Variants in ARID1B observed in about 807,000 individuals in gnomAD.
ARID1B encodes AT-rich interactive domain-containing protein 1B.
A neutral mutation model predicts 212.3 loss-of-function variants in ARID1B; 30 were observed. The ratio of observed to expected loss-of-function variants is 0.14; its 90% confidence interval spans 0.11 to 0.19. ARID1B has a LOEUF of 0.19. Ranked by LOEUF, ARID1B falls within the 10% of genes least tolerant of loss-of-function variation. ARID1B has a pLI of 1.00. For missense variants in ARID1B, 2,891 were observed against 3,204.0 expected (o/e 0.90, Z 2.36); for synonymous variants, 1,402 against 1,301.7 (o/e 1.08, Z -1.66).
chr6:157,149,041 G>A (rs1410295772), intron 8 of ARID1B, 90 bp downstream of exon 8: 1 of 1,328,430 alleles, frequency 7.5e-7, no homozygotes. Context: ...TGTTCCCTGG[G>A]GTCACACAGA....
At position 156,778,830 on chromosome 6, in the gene ARID1B, T is replaced by C. The variant is rs1333182793; in HGVS notation, c.1150T>C (p.Tyr384His). 1 of 1,420,420 alleles carries C rather than the reference T, an allele frequency of 7.0e-7. No homozygotes were observed. Among genetic ancestry groups the C allele is most frequent in the Non-Finnish European group, 9.2e-7 (1 of 1,082,252 alleles). The allele number at this position is 1,420,420 out of a possible 1,614,324, so 88.0% of individuals were successfully genotyped here. A position where few individuals can be genotyped will look rare whatever the true frequency, so the allele number is the denominator to read the frequency against. ...PNSQCNHYPG[Y>H]SRPGAGGGGG... ...CAGCCAGTGCAACCATTATCCGGGCTACAGCCGGCCCGGCGCGGGCGGCGG... is the reference window on the plus strand; with the variant it reads ...CAGCCAGTGCAACCATTATCCGGGCCACAGCCGGCCCGGCGCGGGCGGCGG... Residue 384 changes from tyrosine to histidine, a missense_variant, in exon 1 of 20, where the codon TAC becomes CAC. Around this residue, in one of 7 missense-constraint regions of ARID1B, gnomAD observed 1,643 missense variants for 1,544.0 expected, o/e 1.06. Transcript: ENST00000636930.
intron 1 of ARID1B, among the ~76,000 whole-genome samples, chr6:156,824,670 C>T (rs971718465): frequency 6.6e-6 from 1 of 152,046 alleles, no homozygotes; most frequent in African/African-American, 2.4e-5. Context: ...GAGGCTGAGA[C>T]ATGAGAATCA....
At chr6:156,851,517 A>C (rs1396147326) in intron 2 of ARID1B, among the ~76,000 whole-genome samples, 1 of 152,184 alleles carries the variant, frequency 6.6e-6, no homozygotes, top group African/African-American at 2.4e-5. Flanking sequence ...TGTCTTCTTG[A>C]AGCTGGAACT....
intron 2 of ARID1B, among the ~76,000 whole-genome samples, chr6:156,838,901 C>G (rs984458623): frequency 6.6e-6 from 1 of 152,016 alleles, no homozygotes; most frequent in South Asian, 2.1e-4. Flanking sequence ...AAGGAGGCTT[C>G]CCTTTTTTTC....
chr6:157,167,293 G>A (rs1208344383), intron 9 of ARID1B, 108 bp downstream of exon 9: 27 of 1,367,918 alleles, frequency 2.0e-5, no homozygotes, highest in East Asian at 2.0e-4. Flanking sequence ...ATCAGTTGGC[G>A]AAAGTGGGAA....
At chr6:156,898,000 G>A (rs1266465643) in intron 2 of ARID1B, among the ~76,000 whole-genome samples, 1 of 152,090 alleles carries the variant, frequency 6.6e-6, no homozygotes, top group Non-Finnish European at 1.5e-5. Context: ...TAGTAAACAC[G>A]TGAACACGTA....
intron 5 of ARID1B, among the ~76,000 whole-genome samples, chr6:157,106,723 T>C (rs751153698): frequency 6.6e-6 from 1 of 152,160 alleles, no homozygotes; most frequent in African/African-American, 2.4e-5. Context: ...TTCTGCTCAG[T>C]GGAGAGGAGG....
At chr6:157,118,520 C>T (rs1462348635) in intron 6 of ARID1B, among the ~76,000 whole-genome samples, 2 of 152,342 alleles carry the variant, frequency 1.3e-5, no homozygotes, top group Non-Finnish European at 2.9e-5. Context: ...AATTGAAGAT[C>T]CCTTCTTTGT....
chr6:157,114,416 C>G (rs1787170784), intron 6 of ARID1B, among the ~76,000 whole-genome samples: 1 of 148,040 alleles, frequency 6.8e-6, no homozygotes, highest in Admixed American at 6.9e-5. Context: ...CCCAGCTACT[C>G]AGGAGGCTGA....
At chr6:156,791,896 C>G (rs1393827549) in intron 1 of ARID1B, among the ~76,000 whole-genome samples, 4 of 152,156 alleles carry the variant, frequency 2.6e-5, no homozygotes, top group Non-Finnish European at 4.4e-5. Context: ...TCTCCTCTTT[C>G]TCTTCCTTTC....
At chr6:156,839,508 T>G (rs545482563) in intron 2 of ARID1B, among the ~76,000 whole-genome samples, 1 of 152,268 alleles carries the variant, frequency 6.6e-6, no homozygotes, top group South Asian at 2.1e-4. Context: ...ACTGAGCAGT[T>G]GGGGAGAGGA....
chr6:156,838,735 A>T (rs1385572882), intron 2 of ARID1B, among the ~76,000 whole-genome samples: 1 of 79,468 alleles, frequency 1.3e-5, no homozygotes, highest in Non-Finnish European at 2.8e-5. Context: ...ATAATAATAA[A>T]CAAAAAAAAC....
chr6:156,961,484 C>T (rs1364065033), intron 4 of ARID1B, among the ~76,000 whole-genome samples: 2 of 152,192 alleles, frequency 1.3e-5, no homozygotes, highest in African/African-American at 4.8e-5. Flanking sequence ...CTGGCTGGCG[C>T]GGGGTCCTCT....
chr6:156,849,867 C>T (rs1436636897), intron 2 of ARID1B, among the ~76,000 whole-genome samples: 1 of 151,986 alleles, frequency 6.6e-6, no homozygotes, highest in Non-Finnish European at 1.5e-5. Context: ...CAATTGTTCA[C>T]TTTCTCTCTC....
rs1885627 is a variant in ARID1B, at chr6:156,955,052, T to C, written c.2247+19476T>C. On this transcript the variant is annotated intron_variant, in intron 4 of 19. Coordinates refer to ENST00000636930, the MANE Select transcript of ARID1B (RefSeq NM_001374828.1). The surrounding 1 kb of genome is among the most constrained non-coding windows in gnomAD (Gnocchi z 4.2). The stretch of plus-strand genomic sequence containing the variant: ...CAGCTGCAGCCCACTCTTGCCACTG[T>C]GATGGGAGCTGCTCTGAAGGATACG... Among the ~76,000 whole-genome samples the C allele has an allele frequency of 0.064, 9,709 of 152,292 alleles. 588 individuals are homozygous for C. Among genetic ancestry groups the C allele is most frequent in the East Asian group, 0.32 (1,673 of 5,178 alleles).
At chr6:157,013,136 C>T (rs1339573149) in intron 4 of ARID1B, among the ~76,000 whole-genome samples, 3 of 152,244 alleles carry the variant, frequency 2.0e-5, no homozygotes, top group African/African-American at 4.8e-5. Flanking sequence ...GCCTCGGCCT[C>T]CCAAAGTGCT....
chr6:156,987,456 A>G (rs989706730), intron 4 of ARID1B, among the ~76,000 whole-genome samples: 1 of 151,550 alleles, frequency 6.6e-6, no homozygotes, highest in Non-Finnish European at 1.5e-5. Context: ...TCAGCCTCCC[A>G]AGTAGCTGAG....
At chr6:157,103,329 T>G (rs918414535) in intron 5 of ARID1B, among the ~76,000 whole-genome samples, 1 of 152,118 alleles carries the variant, frequency 6.6e-6, no homozygotes, top group Non-Finnish European at 1.5e-5. Context: ...AACCAAACAG[T>G]CTGAATTTTC....
chr6:156,826,370 C>T (rs190500039), intron 1 of ARID1B, among the ~76,000 whole-genome samples: 2 of 152,300 alleles, frequency 1.3e-5, no homozygotes, highest in African/African-American at 4.8e-5. Flanking sequence ...GTGCTTTGTC[C>T]CTTCAGGACA....
Sources: allele counts gnomAD v4.1 joint callset (sites outside exome capture counted in the v4.1 genomes callset), GRCh38; gene constraint gnomAD v4.1.1; regional missense constraint gnomAD v4.1.1; non-coding constraint Gnocchi (gnomAD v3.1); transcripts MANE v1.5; gene names NCBI Gene and HGNC (gene_info 2026-07-23, HGNC 2026-07-21).